NBEAL1: variants seen among roughly 807,000 people sequenced by gnomAD.
NBEAL1 encodes the protein neurobeachin like 1.
A neutral mutation model predicts 351.3 loss-of-function variants in NBEAL1; 273 were observed. The observed-to-expected ratio is 0.78, with a 90% CI of 0.70 to 0.86. NBEAL1 has a LOEUF of 0.86. Ranked by LOEUF, NBEAL1 falls within the 40% of genes least tolerant of loss-of-function variation. NBEAL1 has a pLI of 0.00. For synonymous variants in NBEAL1, 1,050 were observed against 1,086.4 expected (o/e 0.97, Z 0.66); for missense variants, 2,961 against 3,201.3 (o/e 0.92, Z 1.81).
chr2:203,072,581 C>T (rs2061700514), intron 7 of NBEAL1, among the ~76,000 whole-genome samples: 1 of 152,172 alleles, frequency 6.6e-6, no homozygotes, highest in Admixed American at 6.5e-5. Flanking sequence ...TAGAAATTGC[C>T]TTAGCTAAAT....
chr2:203,133,473 A>C (rs939043569), intron 27 of NBEAL1, among the ~76,000 whole-genome samples: 1 of 151,942 alleles, frequency 6.6e-6, no homozygotes, highest in Non-Finnish European at 1.5e-5. Context: ...AGAGTTTCTG[A>C]ATCTTTTGAA....
At chr2:203,126,181 T>C (rs2062933019) in intron 21 of NBEAL1, 88 bp downstream of exon 21, 1 of 1,276,816 alleles carries the variant, frequency 7.8e-7, no homozygotes, top group South Asian at 1.5e-5. Context: ...AAATATATTT[T>C]TAAAGATTAT....
intron 26 of NBEAL1, among the ~76,000 whole-genome samples, chr2:203,132,354 G>A (rs1334782582): frequency 1.3e-5 from 2 of 152,204 alleles, no homozygotes; most frequent in Non-Finnish European, 2.9e-5. Flanking sequence ...AAGTTAATAA[G>A]TGAGTCCACG....
chr2:203,080,045 T>G (rs1045705982), intron 8 of NBEAL1, among the ~76,000 whole-genome samples: 2 of 152,226 alleles, frequency 1.3e-5, no homozygotes, highest in African/African-American at 4.8e-5. Context: ...TTGGGAGATT[T>G]CTTTTTATTT....
chr2:203,222,907 C>T lies in NBEAL1; in HGVS notation c.*5553C>T, dbSNP rs1017143240. On this transcript the variant is annotated 3_prime_UTR_variant, in exon 56 of 56. Coordinates refer to ENST00000683969, the MANE Select transcript of NBEAL1 (RefSeq NM_001378026.1). ...TTTTTATAGGTATAACAGAGAAGAA[C>T]GCATTAACATTTAAGATGTTTAATT... 1.1e-4 allele frequency among the ~76,000 whole-genome samples: 16 copies of T among 152,060 alleles called. No individual in the cohort carries two copies. Among genetic ancestry groups the T allele is most frequent in the Non-Finnish European group, 7.4e-5 (5 of 67,992 alleles).
At chr2:203,046,341 G>A (rs186754426) in intron 3 of NBEAL1, among the ~76,000 whole-genome samples, 30 of 151,886 alleles carry the variant, frequency 2.0e-4, no homozygotes, top group East Asian at 1.5e-3. Flanking sequence ...TCAGCCTCTC[G>A]AGTAGCCAGG....
At chr2:203,023,899 G>A (rs1409248128) in intron 2 of NBEAL1, among the ~76,000 whole-genome samples, 1 of 152,162 alleles carries the variant, frequency 6.6e-6, no homozygotes, top group Non-Finnish European at 1.5e-5. Flanking sequence ...AGAAGACAGA[G>A]TTTTGGAACC....
At chr2:203,208,127 T>A (rs981459314) in intron 51 of NBEAL1, among the ~76,000 whole-genome samples, 1 of 151,292 alleles carries the variant, frequency 6.6e-6, no homozygotes, top group Non-Finnish European at 1.5e-5. Flanking sequence ...TACAAAAAAA[T>A]GTTAAAAATT....
At position 203,135,713 on chromosome 2, in the gene NBEAL1, C is replaced by T. The variant is rs765621546; in HGVS notation, c.3850C>T (p.His1284Tyr). 1 of 1,551,788 alleles carries T rather than the reference C, an allele frequency of 6.4e-7. No individual in the cohort carries two copies. Among genetic ancestry groups the T allele is most frequent in the Non-Finnish European group, 8.7e-7 (1 of 1,147,810 alleles). The change falls in exon 28 of 56, where the codon CAT (histidine) becomes TAT (tyrosine). Residue 1284 changes from histidine to tyrosine, a missense_variant. Coordinates refer to ENST00000683969, the MANE Select transcript of NBEAL1 (RefSeq NM_001378026.1). Reference sequence around the variant, plus strand: ...TTTGCAGTTCCAGCCAGATGCAGCACATCAAATATCACAGCAAGTGGGTTG... The same window carrying T: ...TTTGCAGTTCCAGCCAGATGCAGCATATCAAATATCACAGCAAGTGGGTTG... ...QILQFQPDAA[H>Y]QISQQVGWQD...
At chr2:203,151,365 C>A in intron 34 of NBEAL1, 100 bp from the exon 35 acceptor site, 2 of 862,336 alleles carry the variant, frequency 2.3e-6, no homozygotes, top group Non-Finnish European at 3.4e-6. Context: ...TGGTACTAAA[C>A]AAATGTAAAA....
chr2:203,054,133 A>G (rs181367881), intron 4 of NBEAL1, among the ~76,000 whole-genome samples: 5 of 152,134 alleles, frequency 3.3e-5, no homozygotes, highest in Admixed American at 3.3e-4. Context: ...TAAAAAAATT[A>G]TTGTCCTGCT....
chr2:203,214,031 G>T (rs1280249257), intron 55 of NBEAL1, among the ~76,000 whole-genome samples: 1 of 152,086 alleles, frequency 6.6e-6, no homozygotes, highest in African/African-American at 2.4e-5. Flanking sequence ...TTTGTCAGTT[G>T]TTCTTTTGTA....
chr2:203,084,901 T>C (rs1574947492), intron 10 of NBEAL1: 2 of 171,344 alleles, frequency 1.2e-5, no homozygotes, highest in East Asian at 1.7e-4. Flanking sequence ...CTGAATATAC[T>C]AAGATGAGTC....
chr2:203,122,213 GT>G, intron 18 of NBEAL1, 40 bp from the exon 19 acceptor site: 1 of 1,136,660 alleles, frequency 8.8e-7, no homozygotes, highest in Non-Finnish European at 1.3e-6. Context: ...TTTATGTTTT[GT>G]TCTAATTGGT....
Position 203,058,452 on chromosome 2 carries a change from G to A in NBEAL1, c.515+999G>A, listed in dbSNP as rs1191738068. On this transcript the variant is annotated intron_variant, in intron 6 of 55. Coordinates refer to ENST00000683969, the MANE Select transcript of NBEAL1 (RefSeq NM_001378026.1). ...AAACAGCTACTCTCCCTGGGGTTAT[G>A]GGAACAAAGGGAAGAGAATGGAGTT... Among the ~76,000 whole-genome samples the A allele has an allele frequency of 3.9e-5, 6 of 152,324 alleles. No individual in the cohort carries two copies. In the East Asian group the frequency reaches 9.7e-4, roughly 25 times the overall value.
At chr2:203,185,641 C>T (rs1200062068) in intron 44 of NBEAL1, among the ~76,000 whole-genome samples, 1 of 152,180 alleles carries the variant, frequency 6.6e-6, no homozygotes, top group Non-Finnish European at 1.5e-5. Flanking sequence ...CAGTTAGTAG[C>T]AGTCATATGG....
At chr2:203,057,525 C>G in intron 6 of NBEAL1, 72 bp downstream of exon 6, 2 of 1,317,270 alleles carry the variant, frequency 1.5e-6, no homozygotes, top group Non-Finnish European at 2.1e-6. Context: ...CAAAGCAGGT[C>G]TTCTCTATGA....
rs968217171 is a variant in NBEAL1, at chr2:203,039,976, A to G, written c.52-1789A>G. 5.7e-6 allele frequency: 3 copies of G among 525,674 alleles called. No individual in the cohort carries two copies. In the African/African-American group the frequency reaches 5.8e-5, roughly 10 times the overall value. 32.6% of individuals were successfully genotyped at this position (525,674 alleles called of 1,614,324 possible). ...AAAGGACCATGGTGGAGGGAACATG[A>G]TAAGGTAAGGTAAAGGGGTGGTGAG... On this transcript the variant is annotated intron_variant, in intron 2 of 55. Coordinates refer to ENST00000683969, the MANE Select transcript of NBEAL1 (RefSeq NM_001378026.1).
At chr2:203,158,560 A>G (rs776804569) in intron 36 of NBEAL1, among the ~76,000 whole-genome samples, 1 of 152,150 alleles carries the variant, frequency 6.6e-6, no homozygotes, top group Non-Finnish European at 1.5e-5. Flanking sequence ...TTGTGTCACT[A>G]CTGTCATACG....
Sources: allele counts gnomAD v4.1 joint callset (sites outside exome capture counted in the v4.1 genomes callset), GRCh38; gene constraint gnomAD v4.1.1; transcripts MANE v1.5; gene names NCBI Gene and HGNC (gene_info 2026-07-23, HGNC 2026-07-21).